The following PTPRA variants were observed in gnomAD, a reference collection of about 807,000 sequenced individuals.
PTPRA encodes the protein protein tyrosine phosphatase receptor type A.
In PTPRA, 25 loss-of-function variants were observed where a neutral mutation model predicts 104.8. That is an observed-to-expected ratio of 0.24 (90% CI 0.17 to 0.33). The LOEUF (loss-of-function observed/expected upper bound fraction) is 0.33, where lower values mean the gene tolerates loss of function less well. Ranked by LOEUF, PTPRA falls within the 10% of genes least tolerant of loss-of-function variation. The probability of loss-of-function intolerance (pLI) is 1.00; values close to 1 mark genes in which losing one functional copy is unlikely to be tolerated. For synonymous variants in PTPRA, 323 were observed against 368.9 expected (o/e 0.88, Z 1.43); for missense variants, 765 against 1,015.3 (o/e 0.75, Z 3.35).
At chr20:2,968,997 C>T (rs2062049288) in intron 5 of PTPRA, among the ~76,000 whole-genome samples, 1 of 152,108 alleles carries the variant, frequency 6.6e-6, no homozygotes, top group Non-Finnish European at 1.5e-5. Flanking sequence ...CACTTGAAGC[C>T]AGGAGCTCAA....
At chr20:2,964,427 G>C in intron 4 of PTPRA, 77 bp downstream of exon 4, 1 of 1,208,636 alleles carries the variant, frequency 8.3e-7, no homozygotes, top group Non-Finnish European at 1.2e-6. Flanking sequence ...TTTGAAAACC[G>C]AGATGGTATT....
At chr20:2,949,454 T>C (rs2061278096) in intron 3 of PTPRA, among the ~76,000 whole-genome samples, 1 of 152,012 alleles carries the variant, frequency 6.6e-6, no homozygotes, top group South Asian at 2.1e-4. Flanking sequence ...TTTAATTTCT[T>C]TTTCTTTTTA....
chr20:3,038,176 T>C lies in PTPRA; in HGVS notation c.*43T>C, dbSNP rs2065897285. 6.5e-7 allele frequency: 1 copy of C among 1,533,450 alleles called. No individual in the cohort carries two copies. The highest frequency in any genetic ancestry group is 9.0e-7 in the Non-Finnish European group (1 of 1,107,530). The allele number at this position is 1,533,450 out of a possible 1,614,324, so 95.0% of individuals were successfully genotyped here. ...TGGACCAGGAGGATTGCCTTTAATA[T>C]TTTGTAATATTCTGTTTTGTTAATA... On this transcript the variant is annotated 3_prime_UTR_variant, in exon 24 of 24. Coordinates refer to ENST00000399903, the MANE Select transcript of PTPRA (RefSeq NM_001385305.1).
At chr20:2,927,107 G>A (rs942237394) in intron 2 of PTPRA, among the ~76,000 whole-genome samples, 2 of 151,622 alleles carry the variant, frequency 1.3e-5, no homozygotes, top group African/African-American at 4.8e-5. Flanking sequence ...TGTATTTTTA[G>A]TAGAGACAGG....
intron 1 of PTPRA, among the ~76,000 whole-genome samples, chr20:2,889,210 G>A (rs1167218285): frequency 6.6e-6 from 1 of 152,104 alleles, no homozygotes; most frequent in East Asian, 1.9e-4. Flanking sequence ...TCTTGTTATT[G>A]TACTTGTAAG....
rs756800954 is a variant in PTPRA at position 3,024,469 on chromosome 20, C to T, written c.1465-3C>T. On this transcript the variant is annotated splice_region_variant and splice_polypyrimidine_tract_variant and intron_variant, in intron 16 of 23. Transcript: ENST00000399903. ...AAGAACTTCTGTGTCATTCATGTTT[C>T]AGATGCAGTATGTCTTCATATACCA... 1 of 1,611,864 alleles carries T rather than the reference C, an allele frequency of 6.2e-7. No individual in the cohort carries two copies. The highest frequency in any genetic ancestry group is 1.3e-5 in the African/African-American group (1 of 74,920).
Position 2,966,420 on chromosome 20 carries a change from G to T in PTPRA, c.415+1218G>T, listed in dbSNP as rs949735917. 3.9e-5 allele frequency among the ~76,000 whole-genome samples: 6 copies of T among 152,218 alleles called. 1 individual carries two copies. Among genetic ancestry groups the T allele is most frequent in the Admixed American group, 3.9e-4 (6 of 15,282 alleles). ...TAATATGGGTAAAGCACTTATAAAG[G>T]TGCCTACACATGGTAAGCACTATTT... On this transcript the variant is annotated intron_variant, in intron 5 of 23. Coordinates refer to ENST00000399903, the MANE Select transcript of PTPRA (RefSeq NM_001385305.1).
intron 13 of PTPRA, among the ~76,000 whole-genome samples, chr20:3,018,556 T>A (rs1016215922): frequency 2.6e-5 from 4 of 151,874 alleles, no homozygotes; most frequent in African/African-American, 7.3e-5. Context: ...GTCACAGATC[T>A]ACAGGATCCC....
chr20:2,947,762 T>C (rs1169759797), intron 2 of PTPRA, among the ~76,000 whole-genome samples: 2 of 152,188 alleles, frequency 1.3e-5, no homozygotes, highest in Non-Finnish European at 2.9e-5. Context: ...TTGCTTGGTG[T>C]CATAGCCGCA....
In PTPRA at chr20:3,035,696, G is replaced by T. The variant is rs975753602; in HGVS notation, c.2032G>T (p.Val678Phe). The T allele has an allele frequency of 6.2e-7, 1 of 1,614,074 alleles. No homozygotes were observed. Among genetic ancestry groups the T allele is most frequent in the Admixed American group, 1.7e-5 (1 of 60,008 alleles). Residue 678 changes from valine to phenylalanine, a missense_variant, in exon 21 of 24, where the codon GTC becomes TTC. Physicochemically the swap from Val to Phe is conservative, Grantham distance 50 (BLOSUM62 -1). This residue lies in a region of PTPRA where 192 missense variants were observed against 227.0 expected (regional missense o/e 0.85). Coordinates refer to ENST00000399903, the MANE Select transcript of PTPRA (RefSeq NM_001385305.1). This position sits in a 1 kb window ranked among gnomAD's most constrained non-coding sequence, Gnocchi z 5.8. ...CESYTVRDLL[V>F]TNTRENKSRQ... Reference sequence around the variant, plus strand: ...GAGCTACACCGTCCGAGACCTCCTGGTCACCAACACCAGGGTAAGATGGGT... The same window carrying T: ...GAGCTACACCGTCCGAGACCTCCTGTTCACCAACACCAGGGTAAGATGGGT...
intron 1 of PTPRA, among the ~76,000 whole-genome samples, chr20:2,918,183 G>C (rs1176271111): frequency 1.3e-5 from 2 of 151,436 alleles, no homozygotes; most frequent in African/African-American, 4.9e-5. Context: ...TACTTTGTAC[G>C]TATTCTCTTT....
At chr20:2,974,909 T>TA (rs1278650505) in intron 5 of PTPRA, among the ~76,000 whole-genome samples, 4 of 152,240 alleles carry the variant, frequency 2.6e-5, no homozygotes, top group Non-Finnish European at 5.9e-5. Context: ...TTTGTATCCT[T>TA]ACTTAATTTT....
chr20:2,930,463 C>T (rs2147495925), intron 2 of PTPRA, among the ~76,000 whole-genome samples: 1 of 152,242 alleles, frequency 6.6e-6, no homozygotes, highest in South Asian at 2.1e-4. Flanking sequence ...TTTCCTGGTG[C>T]TGCCCAAACA....
At chr20:2,955,683 C>T (rs1188811111) in intron 3 of PTPRA, 1 of 984,694 alleles carries the variant, frequency 1.0e-6, no homozygotes, top group Non-Finnish European at 1.2e-6. Context: ...TGTTCCTACT[C>T]CACCCTCCCC....
chr20:2,988,075 C>T lies in PTPRA; in HGVS notation c.571C>T (p.Arg191Cys), dbSNP rs143825958. 5.7e-6 allele frequency: 9 copies of T among 1,591,366 alleles called. No individual in the cohort carries two copies. Among genetic ancestry groups the T allele is most frequent in the East Asian group, 4.5e-5 (2 of 44,782 alleles). ...AGCTGGGAGCCATTCCAATTCTTTC[C>T]GCTTATCCAACGGCCGCACTGAGGA... ...KQAGSHSNSF[R>C]LSNGRTEDVE... Residue 191 changes from arginine to cysteine, a missense_variant, in exon 8 of 24, where the codon CGC becomes TGC. Coordinates refer to ENST00000399903, the MANE Select transcript of PTPRA (RefSeq NM_001385305.1).
chr20:2,874,190 G>T (rs1358438538), intron 1 of PTPRA, among the ~76,000 whole-genome samples: 2 of 137,260 alleles, frequency 1.5e-5, no homozygotes, highest in Non-Finnish European at 3.2e-5. Flanking sequence ...CACCTCCCTC[G>T]GTCCCCCGGC....
chr20:2,937,998 T>C (rs1473920871), intron 2 of PTPRA, among the ~76,000 whole-genome samples: 1 of 152,158 alleles, frequency 6.6e-6, no homozygotes, highest in Non-Finnish European at 1.5e-5. Flanking sequence ...TTCTTTAGTT[T>C]TTAGAAGTTT....
intron 6 of PTPRA, among the ~76,000 whole-genome samples, chr20:2,983,613 A>C (rs1324194769): frequency 2.7e-5 from 4 of 150,914 alleles, no homozygotes; most frequent in Non-Finnish European, 4.4e-5. Flanking sequence ...AGTTTTAGAT[A>C]TATCTCCAAA....
At chr20:3,009,454 G>A (rs1229015831) in intron 11 of PTPRA, among the ~76,000 whole-genome samples, 1 of 152,174 alleles carries the variant, frequency 6.6e-6, no homozygotes, top group Non-Finnish European at 1.5e-5. Context: ...TCCTAAGGTG[G>A]TAGGATTGAG....
Sources: allele counts gnomAD v4.1 joint callset (sites outside exome capture counted in the v4.1 genomes callset), GRCh38; gene constraint gnomAD v4.1.1; regional missense constraint gnomAD v4.1.1; non-coding constraint Gnocchi (gnomAD v3.1); transcripts MANE v1.5; gene names NCBI Gene and HGNC (gene_info 2026-07-23, HGNC 2026-07-21).